The following FRMD4A variants were observed in gnomAD, a reference collection of about 807,000 sequenced individuals.
FRMD4A encodes the protein FERM domain containing 4A.
A neutral mutation model predicts 129.1 loss-of-function variants in FRMD4A; 29 were observed. The observed-to-expected ratio is 0.22, with a 90% CI of 0.17 to 0.31. The LOEUF is 0.31. Ranked by LOEUF, FRMD4A falls within the 10% of genes least tolerant of loss-of-function variation. FRMD4A has a pLI of 1.00. For missense variants in FRMD4A, 1,272 were observed against 1,375.8 expected (o/e 0.92, Z 1.19); for synonymous variants, 634 against 571.6 (o/e 1.11, Z -1.56).
chr10:14,200,161 G>A (rs1039335973), intron 2 of FRMD4A, among the ~76,000 whole-genome samples: 1 of 150,284 alleles, frequency 6.7e-6, no homozygotes, highest in African/African-American at 2.4e-5. Flanking sequence ...CCGCAGTGTT[G>A]GGATTACACG....
At chr10:14,070,631 C>T (rs893866411) in intron 2 of FRMD4A, among the ~76,000 whole-genome samples, 22 of 152,140 alleles carry the variant, frequency 1.4e-4, no homozygotes, top group African/African-American at 5.3e-4. Context: ...TCTGAAGCTT[C>T]TTTGGTCTGT....
chr10:13,895,064 A>C (rs146261078), intron 2 of FRMD4A, among the ~76,000 whole-genome samples: 1 of 152,364 alleles, frequency 6.6e-6, no homozygotes, highest in Non-Finnish European at 1.5e-5. Flanking sequence ...TGGCTGAATA[A>C]GCATAAACCT....
chr10:13,762,532 T>C, intron 7 of FRMD4A, 92 bp downstream of exon 7: 1 of 741,444 alleles, frequency 1.3e-6, no homozygotes, highest in Non-Finnish European at 2.4e-6. Flanking sequence ...AAATAGTGAG[T>C]AGATACAGCT....
At chr10:13,965,748 G>C (rs959637901) in intron 2 of FRMD4A, among the ~76,000 whole-genome samples, 7 of 152,138 alleles carry the variant, frequency 4.6e-5, no homozygotes, top group Non-Finnish European at 7.4e-5. Flanking sequence ...GTAATGAAAG[G>C]ACAAGTTTTG....
At chr10:13,962,138 T>C (rs2095449810) in intron 2 of FRMD4A, among the ~76,000 whole-genome samples, 1 of 152,244 alleles carries the variant, frequency 6.6e-6, no homozygotes, top group Admixed American at 6.5e-5. Flanking sequence ...CAGCTGCTAC[T>C]AGCCATCTTC....
intron 2 of FRMD4A, among the ~76,000 whole-genome samples, chr10:14,095,587 A>C (rs992625927): frequency 6.6e-6 from 1 of 152,128 alleles, no homozygotes; most frequent in Non-Finnish European, 1.5e-5. Flanking sequence ...CGCACTCTCA[A>C]CCTTAGCACT....
chr10:14,278,866 G>A (rs2132057268), intron 2 of FRMD4A, among the ~76,000 whole-genome samples: 1 of 152,214 alleles, frequency 6.6e-6, no homozygotes, highest in East Asian at 1.9e-4. Flanking sequence ...CTGCTTTTTT[G>A]CTTTTAATTT....
chr10:13,853,193 G>T (rs945093934), intron 3 of FRMD4A, among the ~76,000 whole-genome samples: 1 of 152,172 alleles, frequency 6.6e-6, no homozygotes, highest in African/African-American at 2.4e-5. Context: ...CACTGTGGCA[G>T]AATTGAGGGG....
At chr10:14,282,929 G>C (rs1419010604) in intron 2 of FRMD4A, among the ~76,000 whole-genome samples, 1 of 152,172 alleles carries the variant, frequency 6.6e-6, no homozygotes, top group Non-Finnish European at 1.5e-5. Context: ...CACCACTTAA[G>C]CCTTAGCTAC....
At chr10:13,689,283 GT>G (rs1182467354) in intron 15 of FRMD4A, among the ~76,000 whole-genome samples, 2 of 140,392 alleles carry the variant, frequency 1.4e-5, no homozygotes, top group Admixed American at 7.8e-5. Context: ...TAGCAGAAAT[GT>G]TTATACCACA....
chr10:13,833,808 C>T (rs2093828391), intron 3 of FRMD4A, among the ~76,000 whole-genome samples: 1 of 152,068 alleles, frequency 6.6e-6, no homozygotes, highest in Non-Finnish European at 1.5e-5. Flanking sequence ...TGATCATTCC[C>T]ATATTAAAGG....
At chr10:13,964,482 TG>T (rs2095470829) in intron 2 of FRMD4A, among the ~76,000 whole-genome samples, 1 of 19,642 alleles carries the variant, frequency 5.1e-5, no homozygotes, top group Admixed American at 6.5e-4. Flanking sequence ...AGGGTGGGGG[TG>T]GGTGGGGAGG....
At chr10:14,135,953 T>C (rs1394693838) in intron 2 of FRMD4A, among the ~76,000 whole-genome samples, 1 of 152,196 alleles carries the variant, frequency 6.6e-6, no homozygotes, top group African/African-American at 2.4e-5. Context: ...TTCAACTTAT[T>C]CTAAACATAC....
At chr10:13,826,536 C>T (rs1019711583) in intron 3 of FRMD4A, among the ~76,000 whole-genome samples, 1 of 152,130 alleles carries the variant, frequency 6.6e-6, no homozygotes, top group East Asian at 1.9e-4. Flanking sequence ...CTCTCCGGCC[C>T]CAGTGATACG....
At chr10:14,044,291 C>A (rs1833898363) in intron 2 of FRMD4A, among the ~76,000 whole-genome samples, 1 of 152,208 alleles carries the variant, frequency 6.6e-6, no homozygotes, top group Non-Finnish European at 1.5e-5. Flanking sequence ...CTTTGCTGAT[C>A]TCTCTATTGC....
intron 2 of FRMD4A, among the ~76,000 whole-genome samples, chr10:13,956,971 G>A (rs1378407619): frequency 3.9e-5 from 6 of 152,172 alleles, no homozygotes; most frequent in Non-Finnish European, 8.8e-5. Flanking sequence ...CCCACACTGG[G>A]CACTTTCTCA....
chr10:14,266,959 C>T (rs1014865904), intron 2 of FRMD4A, among the ~76,000 whole-genome samples: 3 of 152,204 alleles, frequency 2.0e-5, no homozygotes, highest in South Asian at 2.1e-4. Context: ...AAGACTCTTT[C>T]TTCTTTGGAA....
chr10:14,214,789 T>C (rs1280085500), intron 2 of FRMD4A, among the ~76,000 whole-genome samples: 2 of 152,152 alleles, frequency 1.3e-5, no homozygotes, highest in Non-Finnish European at 2.9e-5. Flanking sequence ...TTCTGTGAAA[T>C]ATAGAAAGGA....
chr10:13,805,915 T>C (rs2093350671), intron 4 of FRMD4A, among the ~76,000 whole-genome samples: 1 of 151,970 alleles, frequency 6.6e-6, no homozygotes, highest in Non-Finnish European at 1.5e-5. Flanking sequence ...CTGGAGTGCG[T>C]GGCGTGATCT....
Sources: allele counts gnomAD v4.1 joint callset (sites outside exome capture counted in the v4.1 genomes callset), GRCh38; gene constraint gnomAD v4.1.1; transcripts MANE v1.5; gene names NCBI Gene and HGNC (gene_info 2026-07-23, HGNC 2026-07-21).